Variants in PPP2R5C observed in about 807,000 individuals in gnomAD.
PPP2R5C encodes the protein serine/threonine-protein phosphatase 2A 56 kDa regulatory subunit gamma isoform.
A neutral mutation model predicts 68.9 loss-of-function variants in PPP2R5C; 7 were observed. That is an observed-to-expected ratio of 0.10 (90% CI 0.06 to 0.19). The LOEUF (loss-of-function observed/expected upper bound fraction) is 0.19. Among genes scored for constraint, PPP2R5C ranks in the 10% least tolerant of loss-of-function variants. The pLI is 1.00. For synonymous variants in PPP2R5C, 210 were observed against 222.2 expected (o/e 0.95, Z 0.49); for missense variants, 348 against 641.3 (o/e 0.54, Z 4.94).
At chr14:101,805,919 C>T (rs2039055937), upstream of PPP2R5C, among the ~76,000 whole-genome samples, 1 of 152,108 alleles carries the variant, frequency 6.6e-6, no homozygotes, top group African/African-American at 2.4e-5. Context: ...TGGAAAGTTA[C>T]TGTTTAATGG....
chr14:101,884,984 CAA>C (rs2044402349), intron 5 of PPP2R5C, among the ~76,000 whole-genome samples: 1 of 152,270 alleles, frequency 6.6e-6, no homozygotes, highest in Non-Finnish European at 1.5e-5. Flanking sequence ...GTTTCTTCTA[CAA>C]GTTACAGCTT....
chr14:101,832,829 T>G (rs1391220290), intron 1 of PPP2R5C, among the ~76,000 whole-genome samples: 1 of 152,184 alleles, frequency 6.6e-6, no homozygotes, highest in Non-Finnish European at 1.5e-5. Flanking sequence ...CTTTACCGTG[T>G]AATTTCTCTG....
At chr14:101,817,236 G>A (rs776388807) in intron 1 of PPP2R5C, among the ~76,000 whole-genome samples, 16 of 152,018 alleles carry the variant, frequency 1.1e-4, no homozygotes, top group African/African-American at 1.9e-4. Context: ...GATTACAGGC[G>A]TGAGCCACTG....
exon 3 of PPP2R5C, chr14:101,786,081 G>C: frequency 6.4e-7 from 1 of 1,560,570 alleles, no homozygotes; most frequent in Middle Eastern, 1.9e-4. Context: ...TAAAATAAAA[G>C]TACCAGTCTC....
chr14:101,834,697 A>G (rs1035972400), intron 1 of PPP2R5C, among the ~76,000 whole-genome samples: 2 of 152,228 alleles, frequency 1.3e-5, no homozygotes, highest in African/African-American at 4.8e-5. Context: ...TTATTAAGAT[A>G]TTAATTTGGT....
intron 1 of PPP2R5C, chr14:101,843,800 CT>C: frequency 4.4e-6 from 1 of 226,334 alleles, no homozygotes; most frequent in South Asian, 6.8e-5. Flanking sequence ...GGGGAGATCG[CT>C]TTCCAGATAT....
At chr14:101,807,931 C>T (rs907044963), upstream of PPP2R5C, among the ~76,000 whole-genome samples, 4 of 149,526 alleles carry the variant, frequency 2.7e-5, no homozygotes, top group African/African-American at 9.9e-5. Flanking sequence ...AGGATAGGCA[C>T]ATTTTTTCAT....
intron 2 of PPP2R5C, among the ~76,000 whole-genome samples, chr14:101,770,662 C>T (rs1010497740): frequency 6.6e-6 from 1 of 152,202 alleles, no homozygotes; most frequent in Non-Finnish European, 1.5e-5. Flanking sequence ...GTAAAAGCTT[C>T]GCTACGGTAT....
At chr14:101,892,288 C>A (rs182563422) in intron 6 of PPP2R5C, among the ~76,000 whole-genome samples, 144 of 151,644 alleles carry the variant, frequency 9.5e-4, no homozygotes, top group Admixed American at 1.8e-3. Flanking sequence ...CATCCAGCAT[C>A]CACTGGGTCT....
chr14:101,886,235 C>T (rs541148007), intron 5 of PPP2R5C, among the ~76,000 whole-genome samples: 52 of 149,914 alleles, frequency 3.5e-4, no homozygotes, highest in Non-Finnish European at 5.5e-4. Flanking sequence ...GAGCCGAGAT[C>T]GTGCCACTGC....
intron 11 of PPP2R5C, among the ~76,000 whole-genome samples, chr14:101,910,995 T>C (rs2046352968): frequency 6.6e-6 from 1 of 151,868 alleles, no homozygotes; most frequent in Non-Finnish European, 1.5e-5. Flanking sequence ...TCCCAGCTAC[T>C]CAGAGTCTGA....
chr14:101,836,339 C>G (rs1566887745), intron 1 of PPP2R5C: 1 of 702,234 alleles, frequency 1.4e-6, no homozygotes, highest in African/African-American at 1.8e-5. Flanking sequence ...TTCCTCTACT[C>G]CCGACCTGCC....
chr14:101,876,161 G>A, intron 2 of PPP2R5C, among the ~76,000 whole-genome samples: 1 of 152,124 alleles, frequency 6.6e-6, no homozygotes, highest in East Asian at 1.9e-4. Flanking sequence ...ATATTGCGAA[G>A]GGGCTTAACA....
At chr14:101,786,027 G>T (rs148602783) in exon 3 of PPP2R5C, 2 of 1,521,452 alleles carry the variant, frequency 1.3e-6, no homozygotes, top group African/African-American at 1.4e-5. Flanking sequence ...GCAAATTTCC[G>T]TCAGGAAAAA....
intron 2 of PPP2R5C, among the ~76,000 whole-genome samples, chr14:101,778,206 A>G (rs1323361680): frequency 6.6e-6 from 1 of 152,116 alleles, no homozygotes; most frequent in Non-Finnish European, 1.5e-5. Flanking sequence ...TTGTTTGGCC[A>G]TTTGTATATC....
At chr14:101,865,075 C>T (rs963813775) in intron 2 of PPP2R5C, among the ~76,000 whole-genome samples, 3 of 152,136 alleles carry the variant, frequency 2.0e-5, no homozygotes, top group African/African-American at 7.2e-5. Flanking sequence ...AACCAACGCG[C>T]AGGTTTCTGA....
At chr14:101,783,457 G>T (rs958724128) in intron 2 of PPP2R5C, among the ~76,000 whole-genome samples, 1 of 151,696 alleles carries the variant, frequency 6.6e-6, no homozygotes, top group African/African-American at 2.4e-5. Flanking sequence ...ACGGTGTTGT[G>T]GGGCAGGCAG....
intron 2 of PPP2R5C, among the ~76,000 whole-genome samples, chr14:101,864,865 G>A (rs2042963292): frequency 6.6e-6 from 1 of 152,194 alleles, no homozygotes; most frequent in African/African-American, 2.4e-5. Context: ...TGCTCCGGCT[G>A]CAGTGTGAAG....
intron 2 of PPP2R5C, among the ~76,000 whole-genome samples, chr14:101,778,476 A>G (rs902623040): frequency 1.3e-5 from 2 of 152,226 alleles, no homozygotes; most frequent in African/African-American, 4.8e-5. Context: ...AGAAACCATT[A>G]TCAAATCCAG....
Sources: allele counts gnomAD v4.1 joint callset (sites outside exome capture counted in the v4.1 genomes callset), GRCh38; gene constraint gnomAD v4.1.1; transcripts MANE v1.5; gene names NCBI Gene and HGNC (gene_info 2026-07-23, HGNC 2026-07-21).